The following SNX14 variants were observed in gnomAD, a reference collection of about 807,000 sequenced individuals.
SNX14 encodes the protein sorting nexin-14.
SNX14 carries 93 observed loss-of-function variants against 133.8 expected under a neutral mutation model. The observed-to-expected ratio is 0.70, with a 90% CI of 0.59 to 0.83. SNX14 has a LOEUF of 0.83. SNX14 is among the 40% of genes least tolerant of loss of function. The pLI, the probability that SNX14 is intolerant of heterozygous loss-of-function variation, is 0.00. For missense variants in SNX14, 945 were observed against 1,094.9 expected, an observed-to-expected ratio of 0.86 and a Z score of 1.93; for synonymous variants, 368 against 365.6, an observed-to-expected ratio of 1.01 and a Z score of -0.07.
intron 21 of SNX14, among the ~76,000 whole-genome samples, chr6:85,524,636 T>C (rs1472409938): frequency 1.3e-5 from 2 of 151,868 alleles, no homozygotes; most frequent in Non-Finnish European, 2.9e-5. Flanking sequence ...ACAAAAAAAT[T>C]AGCTGGGTGT....
intron 18 of SNX14, 87 bp downstream of exon 18, chr6:85,533,512 T>C (rs1175446686): frequency 3.9e-6 from 5 of 1,276,722 alleles, no homozygotes; most frequent in South Asian, 1.4e-5. Flanking sequence ...ATTTGTTAGT[T>C]AGAAGTGGCA....
intron 23 of SNX14, among the ~76,000 whole-genome samples, chr6:85,516,632 CTTTTTTT>C (rs746721196): frequency 4.0e-5 from 5 of 126,424 alleles, no homozygotes; most frequent in African/African-American, 1.6e-4. Flanking sequence ...CTTCCTTAAT[CTTTTTTT>C]TTTTTTTTTT....
intron 9 of SNX14, 33 bp downstream of exon 9, chr6:85,548,268 T>A: frequency 6.8e-7 from 1 of 1,462,836 alleles, no homozygotes; most frequent in Non-Finnish European, 9.4e-7. Context: ...AAGTGTAATT[T>A]GTAACAATTT....
chr6:85,586,467 T>A (rs1800893261), intron 1 of SNX14, among the ~76,000 whole-genome samples: 1 of 152,256 alleles, frequency 6.6e-6, no homozygotes, highest in Admixed American at 6.5e-5. Flanking sequence ...ACAACTGCAC[T>A]ATATATTTTT....
intron 17 of SNX14, 80 bp from the exon 18 acceptor site, chr6:85,533,880 A>T: frequency 9.5e-7 from 1 of 1,052,900 alleles, no homozygotes; most frequent in Non-Finnish European, 1.4e-6. Flanking sequence ...GTATAAAGTA[A>T]TATGCCCATA....
intron 23 of SNX14, among the ~76,000 whole-genome samples, chr6:85,516,749 T>C (rs1254407887): frequency 6.6e-6 from 1 of 150,402 alleles, no homozygotes; most frequent in Non-Finnish European, 1.5e-5. Context: ...GCGACTCTCC[T>C]GCCTCGGCCT....
Position 85,558,123 on chromosome 6 carries a change from C to T in SNX14, c.550-63G>A, listed in dbSNP as rs1202488365. On this transcript the variant is annotated intron_variant, in intron 6 of 28. Transcript: ENST00000314673. ...TCACTAAGTTACAATGGCAGGTACA[C>T]TACAATTATGATATTGGAATATATC... The T allele has an allele frequency of 1.5e-5, 12 of 797,326 alleles. 1 individual carries two copies. Among genetic ancestry groups the T allele is most frequent in the Non-Finnish European group, 2.5e-5 (12 of 474,066 alleles). The allele number at this position is 797,326 out of a possible 1,614,324, so 49.4% of individuals were successfully genotyped here.
intron 6 of SNX14, among the ~76,000 whole-genome samples, chr6:85,564,223 A>G (rs1439987410): frequency 6.6e-6 from 1 of 152,236 alleles, no homozygotes; most frequent in Non-Finnish European, 1.5e-5. Flanking sequence ...ATAGTGCCGC[A>G]ATAAACATAT....
intron 2 of SNX14, 40 bp downstream of exon 2, chr6:85,574,218 A>G (rs1217807841): frequency 2.0e-6 from 3 of 1,491,512 alleles, no homozygotes; most frequent in African/African-American, 1.4e-5. Flanking sequence ...GCTTAGGCTC[A>G]TATACATTGA....
In SNX14 at chr6:85,543,592, G is replaced by T; in HGVS notation, c.1264+13C>A. 1 of 1,555,226 alleles carries T rather than the reference G, an allele frequency of 6.4e-7. No homozygotes were observed. The highest frequency in any genetic ancestry group is 1.2e-5 in the South Asian group (1 of 83,094). On this transcript the variant is annotated intron_variant, in intron 13 of 28. Coordinates refer to ENST00000314673, the MANE Select transcript of SNX14 (RefSeq NM_153816.6). ...GAGTGCTAAATAAGTCATTCTTATC[G>T]TCTTTGACTTACTTCTTTGAATCTC...
intron 12 of SNX14, among the ~76,000 whole-genome samples, chr6:85,545,374 G>A (rs1179912090): frequency 6.6e-6 from 1 of 151,998 alleles, no homozygotes; most frequent in Non-Finnish European, 1.5e-5. Flanking sequence ...TACTAAATTA[G>A]GTTTTTTTAA....
chr6:85,549,170 G>A (rs1381379493), intron 8 of SNX14, among the ~76,000 whole-genome samples: 1 of 151,682 alleles, frequency 6.6e-6, no homozygotes, highest in Admixed American at 6.6e-5. Context: ...ACAAAAAGTA[G>A]TATTTAAAGT....
At chr6:85,523,325 CAGG>C (rs1050702635) in intron 21 of SNX14, among the ~76,000 whole-genome samples, 2 of 151,946 alleles carry the variant, frequency 1.3e-5, no homozygotes, top group African/African-American at 4.8e-5. Context: ...TGATAGAGAG[CAGG>C]AGGAGGATGG....
At chr6:85,581,012 G>C (rs1426173128) in intron 1 of SNX14, among the ~76,000 whole-genome samples, 1 of 152,124 alleles carries the variant, frequency 6.6e-6, no homozygotes, top group South Asian at 2.1e-4. Flanking sequence ...GCCAGATAGT[G>C]GTTACAGTGG....
intron 23 of SNX14, among the ~76,000 whole-genome samples, chr6:85,516,228 G>T (rs546364018): frequency 3.3e-5 from 5 of 152,150 alleles, no homozygotes; most frequent in Admixed American, 2.0e-4. Context: ...TTCCTACAAT[G>T]TTAGAATTTC....
intron 1 of SNX14, 69 bp from the exon 2 acceptor site, chr6:85,574,447 A>G (rs1796679118): frequency 8.5e-7 from 1 of 1,172,556 alleles, no homozygotes; most frequent in Admixed American, 2.4e-5. Flanking sequence ...CGCTTCACTG[A>G]CTTAACAAGC....
At chr6:85,593,209 G>C (rs1803464504) in intron 1 of SNX14, among the ~76,000 whole-genome samples, 1 of 152,136 alleles carries the variant, frequency 6.6e-6, no homozygotes, top group Admixed American at 6.5e-5. Context: ...TTGCGGCTAC[G>C]AACTGGACCT....
chr6:85,515,262 CAAAAAAAAA>C (rs751549621), intron 23 of SNX14, among the ~76,000 whole-genome samples: 3 of 22,770 alleles, frequency 1.3e-4, no homozygotes, highest in Non-Finnish European at 1.9e-4. Context: ...GCAAGACCGT[CAAAAAAAAA>C]AAAAAAAAAA....
chr6:85,540,608 C>A (rs1783390886), intron 15 of SNX14, among the ~76,000 whole-genome samples: 2 of 152,132 alleles, frequency 1.3e-5, no homozygotes, highest in African/African-American at 2.4e-5. Flanking sequence ...GGCATTTCTA[C>A]CTTTCAGAAA....
Sources: gnomAD v4.1 joint callset for allele counts (sites outside exome capture counted in the v4.1 genomes callset) on GRCh38, gnomAD v4.1.1 for gene constraint, MANE v1.5 for transcripts, NCBI Gene and HGNC (gene_info 2026-07-23, HGNC 2026-07-21) for gene names.